The following QTMAN variants were observed in gnomAD, a reference collection of about 807,000 sequenced individuals.
QTMAN encodes tRNA-queuosine alpha-mannosyltransferase.
At chr2:144,261,705 A>T in the QTMAN span, among the ~76,000 whole-genome samples, 15 of 152,236 alleles carry the variant, frequency 9.9e-5, no homozygotes, top group Admixed American at 6.5e-5. Context: ...ATTCTTTGAA[A>T]CTTGAAGTGC....
chr2:144,070,855 C>G, the QTMAN span, among the ~76,000 whole-genome samples: 1 of 152,256 alleles, frequency 6.6e-6, no homozygotes, highest in South Asian at 2.1e-4. Context: ...CGGGACTCCT[C>G]TGGTCCAGCT....
chr2:144,068,564 T>G, the QTMAN span, among the ~76,000 whole-genome samples: 1 of 152,220 alleles, frequency 6.6e-6, no homozygotes, highest in Non-Finnish European at 1.5e-5. Flanking sequence ...TGCAAATATA[T>G]GCAAATGTGG....
the QTMAN span, among the ~76,000 whole-genome samples, chr2:144,144,056 T>C: frequency 6.6e-6 from 1 of 151,950 alleles, no homozygotes; most frequent in Non-Finnish European, 1.5e-5. Context: ...TGAAGTACAC[T>C]TCTCTCTCTC....
At chr2:144,043,188 C>T in the QTMAN span, among the ~76,000 whole-genome samples, 1 of 151,616 alleles carries the variant, frequency 6.6e-6, no homozygotes, top group Admixed American at 6.6e-5. Flanking sequence ...CTATATTGAT[C>T]AGAGTTTTTA....
the QTMAN span, among the ~76,000 whole-genome samples, chr2:144,255,901 C>T: frequency 2.5e-3 from 381 of 152,246 alleles, 1 homozygote; most frequent in African/African-American, 8.4e-3. Flanking sequence ...AAACACACAC[C>T]ACTGGGGTGG....
chr2:144,127,280 C>T, the QTMAN span, among the ~76,000 whole-genome samples: 22 of 151,800 alleles, frequency 1.4e-4, no homozygotes, highest in Non-Finnish European at 3.1e-4. Flanking sequence ...TAAAACATAA[C>T]AAACACACAC....
At chr2:144,190,310 A>T in the QTMAN span, among the ~76,000 whole-genome samples, 6 of 152,204 alleles carry the variant, frequency 3.9e-5, no homozygotes, top group African/African-American at 7.2e-5. Flanking sequence ...TCAAATCACA[A>T]CAGGAAACTT....
chr2:144,205,793 T>C, the QTMAN span, among the ~76,000 whole-genome samples: 2 of 152,226 alleles, frequency 1.3e-5, no homozygotes, highest in African/African-American at 4.8e-5. Flanking sequence ...GTAGAAATGC[T>C]TCATCCTGGA....
At chr2:144,180,869 A>G in the QTMAN span, among the ~76,000 whole-genome samples, 1 of 152,216 alleles carries the variant, frequency 6.6e-6, no homozygotes, top group Non-Finnish European at 1.5e-5. Context: ...AGAAAATAAC[A>G]TATTTATCAT....
chr2:144,026,902 T>C, the QTMAN span, among the ~76,000 whole-genome samples: 1 of 152,214 alleles, frequency 6.6e-6, no homozygotes, highest in South Asian at 2.1e-4. Context: ...TTCCCCTATT[T>C]TGTCTGTATC....
the QTMAN span, among the ~76,000 whole-genome samples, chr2:144,103,624 A>G: frequency 1.3e-5 from 2 of 152,222 alleles, no homozygotes; most frequent in African/African-American, 2.4e-5. Context: ...TGGTATTTAT[A>G]GCTACCAAAA....
the QTMAN span, among the ~76,000 whole-genome samples, chr2:144,070,027 T>G: frequency 6.6e-6 from 1 of 152,080 alleles, no homozygotes; most frequent in Non-Finnish European, 1.5e-5. Context: ...ATACACTTTA[T>G]AGTTATGTTT....
the QTMAN span, among the ~76,000 whole-genome samples, chr2:144,276,038 A>T: frequency 1.3e-5 from 2 of 152,114 alleles, no homozygotes; most frequent in Non-Finnish European, 2.9e-5. Context: ...ATGTAAAGAC[A>T]TACTTTTTTC....
the QTMAN span, among the ~76,000 whole-genome samples, chr2:144,084,337 CCTT>C: frequency 6.6e-6 from 1 of 152,136 alleles, no homozygotes; most frequent in African/African-American, 2.4e-5. Flanking sequence ...TCTGAGTTTC[CCTT>C]CTTATAAAAT....
the QTMAN span, chr2:143,957,237 A>G: frequency 1.2e-6 from 2 of 1,610,090 alleles, no homozygotes; most frequent in Non-Finnish European, 1.7e-6. Context: ...TGAGATGACA[A>G]CATCAGCCAT....
chr2:144,070,185 G>A, the QTMAN span, among the ~76,000 whole-genome samples: 3 of 151,984 alleles, frequency 2.0e-5, no homozygotes, highest in Non-Finnish European at 2.9e-5. Flanking sequence ...GAATGTAATT[G>A]CTACATATAT....
the QTMAN span, among the ~76,000 whole-genome samples, chr2:144,280,303 T>C: frequency 3.9e-5 from 6 of 152,118 alleles, no homozygotes; most frequent in African/African-American, 9.7e-5. Flanking sequence ...TATACAGAAA[T>C]AGAAGCTTGT....
chr2:143,940,549 T>C, the QTMAN span: 1 of 152,222 alleles, frequency 6.6e-6, no homozygotes, highest in Non-Finnish European at 1.5e-5. Context: ...CCCTATGAAT[T>C]ACAGTCTAAT....
chr2:143,992,165 G>T, the QTMAN span, among the ~76,000 whole-genome samples: 3 of 151,494 alleles, frequency 2.0e-5, no homozygotes, highest in Admixed American at 2.0e-4. Flanking sequence ...AGACATGGGA[G>T]ACTTTTCATT....
Sources: gnomAD v4.1 joint callset for allele counts (sites outside exome capture counted in the v4.1 genomes callset) on GRCh38, gnomAD v4.1.1 for gene constraint, MANE v1.5 for transcripts, NCBI Gene and HGNC (gene_info 2026-07-23, HGNC 2026-07-21) for gene names.